The following SDK1 variants were observed in gnomAD, a reference collection of about 807,000 sequenced individuals.
The protein encoded by SDK1 is sidekick cell adhesion molecule 1, also known as protein sidekick-1.
Under a neutral mutation model 245.5 loss-of-function variants are expected in SDK1, and 157 were observed. That is an observed-to-expected ratio of 0.64 (90% CI 0.56 to 0.73). The LOEUF is 0.73. Ranked by LOEUF, SDK1 falls within the 30% of genes least tolerant of loss-of-function variation. SDK1 has a pLI of 0.00. For missense variants in SDK1, 3,583 were observed against 3,002.3 expected (o/e 1.19, Z -4.52); for synonymous variants, 1,647 against 1,278.5 (o/e 1.29, Z -6.15).
In SDK1 at chr7:3,674,839, T is replaced by C. The variant is rs554046745; in HGVS notation, c.713+32734T>C. On this transcript the variant is annotated intron_variant, in intron 4 of 44. Coordinates refer to ENST00000404826, the MANE Select transcript of SDK1 (RefSeq NM_152744.4). Reference sequence around the variant, plus strand: ...AGATTGGCTCTGTGTTCAGCACGCATTGGGTAAAGGGCATGGCTGGATTAA... The same window carrying C: ...AGATTGGCTCTGTGTTCAGCACGCACTGGGTAAAGGGCATGGCTGGATTAA... 4.6e-5 allele frequency among the ~76,000 whole-genome samples: 7 copies of C among 152,220 alleles called. No homozygotes were observed. The South Asian group carries it at 6.2e-4, about 14-fold the overall frequency.
intron 1 of SDK1, among the ~76,000 whole-genome samples, chr7:3,339,480 A>G (rs1242475675): frequency 6.6e-6 from 1 of 152,142 alleles, no homozygotes; most frequent in East Asian, 1.9e-4. Context: ...ACAATAGAAT[A>G]CCCTACTTTT....
At chr7:3,599,837 C>A (rs1423423906) in intron 1 of SDK1, among the ~76,000 whole-genome samples, 2 of 152,192 alleles carry the variant, frequency 1.3e-5, no homozygotes, top group Non-Finnish European at 2.9e-5. Flanking sequence ...GTCCTTATTA[C>A]TGTAGCTAGA....
chr7:3,737,353 C>G (rs1444777107), intron 4 of SDK1, among the ~76,000 whole-genome samples: 2 of 152,348 alleles, frequency 1.3e-5, no homozygotes, highest in African/African-American at 4.8e-5. Context: ...GGTCTGAACT[C>G]TGTGCCCTGG....
chr7:4,163,012 C>G (rs578227137), intron 32 of SDK1, among the ~76,000 whole-genome samples: 129 of 152,308 alleles, frequency 8.5e-4, no homozygotes, highest in African/African-American at 3.0e-3. Context: ...CCGGGGCAGA[C>G]AGATGTTGAG....
chr7:4,006,997 G>T (rs1324659690), intron 14 of SDK1, among the ~76,000 whole-genome samples: 1 of 152,266 alleles, frequency 6.6e-6, no homozygotes, highest in African/African-American at 2.4e-5. Context: ...GGTTTCAACA[G>T]TTGTCCTCTT....
chr7:3,942,938 T>C (rs1780421859), intron 5 of SDK1, among the ~76,000 whole-genome samples: 1 of 152,212 alleles, frequency 6.6e-6, no homozygotes, highest in Non-Finnish European at 1.5e-5. Flanking sequence ...ATCTTTTGGT[T>C]GAGGGCAGCT....
Position 3,889,167 on chromosome 7 carries a change from T to C in SDK1, c.848-61756T>C, listed in dbSNP as rs188548606. Reference sequence around the variant, plus strand: ...GAAAGTGATATCTAATCAATGCCTCTGAGATTCAATCAAATATTAAGATCC... The same window carrying C: ...GAAAGTGATATCTAATCAATGCCTCCGAGATTCAATCAAATATTAAGATCC... On this transcript the variant is annotated intron_variant, in intron 5 of 44. Transcript: ENST00000404826. Among the ~76,000 whole-genome samples the C allele has an allele frequency of 1.0e-3, 156 of 152,358 alleles. 1 individual carries two copies. The highest frequency in any genetic ancestry group is 3.5e-3 in the African/African-American group (146 of 41,598).
intron 4 of SDK1, among the ~76,000 whole-genome samples, chr7:3,717,206 A>G (rs1785229778): frequency 6.6e-6 from 1 of 152,224 alleles, no homozygotes; most frequent in African/African-American, 2.4e-5. Context: ...CCTGGTTCAT[A>G]AAATCTCAAT....
chr7:4,257,905 C>T (rs1038529666), intron 44 of SDK1, among the ~76,000 whole-genome samples: 9 of 150,560 alleles, frequency 6.0e-5, no homozygotes, highest in South Asian at 2.1e-4. Flanking sequence ...TAGCCAATCA[C>T]GGTTTTCTGA....
intron 44 of SDK1, among the ~76,000 whole-genome samples, chr7:4,257,816 C>T (rs1281362911): frequency 2.6e-5 from 4 of 152,226 alleles, no homozygotes; most frequent in Non-Finnish European, 4.4e-5. Flanking sequence ...GAACAAAGCA[C>T]TCTTCCCTTC....
At chr7:3,564,184 A>G (rs981348794) in intron 1 of SDK1, among the ~76,000 whole-genome samples, 3 of 152,190 alleles carry the variant, frequency 2.0e-5, no homozygotes, top group African/African-American at 7.2e-5. Context: ...AGGAAACAAG[A>G]TAGAAAAATA....
At chr7:4,233,118 G>A in intron 40 of SDK1, 137 bp from the exon 41 acceptor site, 7 of 720,080 alleles carry the variant, frequency 9.7e-6, no homozygotes, top group Non-Finnish European at 1.6e-5. Flanking sequence ...TCCCCATTCA[G>A]CACTCACTCC....
chr7:3,902,693 G>A (rs569945702), intron 5 of SDK1, among the ~76,000 whole-genome samples: 4 of 152,318 alleles, frequency 2.6e-5, no homozygotes, highest in East Asian at 1.9e-4. Context: ...ATGAAAAGAT[G>A]TGGTCAGAGA....
intron 4 of SDK1, among the ~76,000 whole-genome samples, chr7:3,746,599 C>T (rs568162956): frequency 2.9e-4 from 44 of 152,226 alleles, no homozygotes; most frequent in Non-Finnish European, 4.7e-4. Flanking sequence ...GAACAAAGTT[C>T]AGAGTGCCTC....
chr7:3,624,182 A>G (rs1031782356), intron 2 of SDK1, among the ~76,000 whole-genome samples: 3 of 152,206 alleles, frequency 2.0e-5, no homozygotes, highest in African/African-American at 7.2e-5. Context: ...AGAACTTTTC[A>G]GAAAGCTAAT....
At chr7:3,885,707 G>C (rs1373045292) in intron 5 of SDK1, among the ~76,000 whole-genome samples, 1 of 152,156 alleles carries the variant, frequency 6.6e-6, no homozygotes, top group East Asian at 1.9e-4. Context: ...TAATTGTTTA[G>C]TTAATTCCTG....
chr7:3,995,999 A>T (rs1784670938), intron 14 of SDK1, among the ~76,000 whole-genome samples: 1 of 152,096 alleles, frequency 6.6e-6, no homozygotes, highest in Non-Finnish European at 1.5e-5. Context: ...TCAAGCCTAA[A>T]ATGAGTATTC....
Position 3,378,020 on chromosome 7 carries a change from C to A in SDK1, c.298+76136C>A, listed in dbSNP as rs1781396632. 2.6e-5 allele frequency among the ~76,000 whole-genome samples: 4 copies of A among 152,276 alleles called. No individual in the cohort carries two copies. The South Asian group carries it at 8.3e-4, about 32-fold the overall frequency. On this transcript the variant is annotated intron_variant, in intron 1 of 44. Coordinates refer to ENST00000404826, the MANE Select transcript of SDK1 (RefSeq NM_152744.4). ...TCTTGAACTCCTGGGCTCAAGTGAT[C>A]CGCCTGCCTCGGCTTCCCAAAGTGC...
chr7:4,051,931 G>C (rs1354724666), intron 19 of SDK1, 101 bp downstream of exon 19: 1 of 1,138,666 alleles, frequency 8.8e-7, no homozygotes, highest in Non-Finnish European at 1.2e-6. Flanking sequence ...ATCACGAGGA[G>C]GCCCCGGATT....
Sources: allele counts gnomAD v4.1 joint callset (sites outside exome capture counted in the v4.1 genomes callset), GRCh38; gene constraint gnomAD v4.1.1; transcripts MANE v1.5; gene names NCBI Gene and HGNC (gene_info 2026-07-23, HGNC 2026-07-21).